NEDD4L: variants seen among roughly 807,000 people sequenced by gnomAD.
NEDD4L encodes E3 ubiquitin-protein ligase NEDD4-like.
Under a neutral mutation model 148.9 loss-of-function variants are expected in NEDD4L, and 54 were observed. The observed-to-expected ratio is 0.36, with a 90% CI of 0.29 to 0.45. NEDD4L has a LOEUF of 0.45. Ranked by LOEUF, NEDD4L falls within the 20% of genes least tolerant of loss-of-function variation. The probability of loss-of-function intolerance (pLI) is 1.00; values close to 1 mark genes in which losing one functional copy is unlikely to be tolerated. For synonymous variants in NEDD4L, 433 were observed against 440.7 expected (o/e 0.98, Z 0.22); for missense variants, 856 against 1,233.8 (o/e 0.69, Z 4.59).
chr18:58,256,890 G>A lies in NEDD4L; in HGVS notation c.297+4836G>A. 1 of 955,558 alleles carries A rather than the reference G, an allele frequency of 1.0e-6. No individual in the cohort carries two copies. The highest frequency in any genetic ancestry group is 1.7e-5 in the African/African-American group (1 of 59,094). The allele number at this position is 955,558 out of a possible 1,614,324, so 59.2% of individuals were successfully genotyped here. ...CCGGGAGTTTCCCTGCTTCAGGCCAGTGGATCTGAATGTTTGGCCGAGTTC... is the reference window on the plus strand; with the variant it reads ...CCGGGAGTTTCCCTGCTTCAGGCCAATGGATCTGAATGTTTGGCCGAGTTC... On this transcript the variant is annotated intron_variant, in intron 5 of 30. Coordinates refer to ENST00000400345, the MANE Select transcript of NEDD4L (RefSeq NM_001144967.3). The surrounding 1 kb of genome is among the most constrained non-coding windows in gnomAD (Gnocchi z 5.2).
intron 5 of NEDD4L, among the ~76,000 whole-genome samples, chr18:58,277,816 T>A (rs1046930880): frequency 2.6e-5 from 4 of 152,202 alleles, no homozygotes; most frequent in African/African-American, 9.6e-5. Context: ...AAGTTAGAAA[T>A]GTATTGGCAT....
chr18:58,279,674 T>G (rs2052703521), intron 5 of NEDD4L, among the ~76,000 whole-genome samples: 1 of 152,224 alleles, frequency 6.6e-6, no homozygotes, highest in South Asian at 2.1e-4. Context: ...GCTGGGACTT[T>G]GCATTGATCA....
At chr18:58,318,059 A>G (rs1443630033) in intron 6 of NEDD4L, among the ~76,000 whole-genome samples, 1 of 152,180 alleles carries the variant, frequency 6.6e-6, no homozygotes, top group East Asian at 1.9e-4. Flanking sequence ...GGTCGTGTGT[A>G]TAGGATGCTC....
At chr18:58,113,778 CAAAACCCACTCT>C (rs1197232930) in intron 1 of NEDD4L, among the ~76,000 whole-genome samples, 2 of 152,112 alleles carry the variant, frequency 1.3e-5, no homozygotes, top group Admixed American at 1.3e-4. Context: ...CAAAACAAAA[CAAAACCCACTCT>C]AGTTGCTGTG....
intron 2 of NEDD4L, among the ~76,000 whole-genome samples, chr18:58,199,210 A>G (rs970184674): frequency 6.6e-6 from 1 of 152,268 alleles, no homozygotes; most frequent in African/African-American, 2.4e-5. Flanking sequence ...CCACGTTGAC[A>G]TCTTCTTACA....
intron 1 of NEDD4L, among the ~76,000 whole-genome samples, chr18:58,128,408 C>T (rs2031518358): frequency 6.6e-6 from 1 of 152,182 alleles, no homozygotes; most frequent in South Asian, 2.1e-4. Context: ...CCCCTTGAGG[C>T]AGTTTGGATG....
chr18:58,299,778 A>G lies in NEDD4L; in HGVS notation c.298-16204A>G, dbSNP rs145721240. 4.4e-3 allele frequency among the ~76,000 whole-genome samples: 671 copies of G among 152,252 alleles called. 2 individuals are homozygous for G. The highest frequency in any genetic ancestry group is 0.015 in the African/African-American group (615 of 41,526). On this transcript the variant is annotated intron_variant, in intron 5 of 30. Coordinates refer to ENST00000400345, the MANE Select transcript of NEDD4L (RefSeq NM_001144967.3). ...AGGCTTTCCGGTGTCTTTTTTTAAA[A>G]ATAAGGTTTTAAGAGTTTCATGGTC...
intron 20 of NEDD4L, among the ~76,000 whole-genome samples, chr18:58,364,931 A>G (rs17234871): frequency 0.025 from 3,778 of 152,342 alleles, 132 homozygotes; most frequent in Admixed American, 0.093. Flanking sequence ...AAATTGTTCA[A>G]CATTGCATCC....
At chr18:58,150,710 G>A (rs1388590410) in intron 1 of NEDD4L, among the ~76,000 whole-genome samples, 1 of 152,214 alleles carries the variant, frequency 6.6e-6, no homozygotes, top group Non-Finnish European at 1.5e-5. Flanking sequence ...CTTAGGAGGT[G>A]CTATGCATTC....
intron 5 of NEDD4L, among the ~76,000 whole-genome samples, chr18:58,290,139 C>T (rs1006085310): frequency 9.2e-5 from 14 of 152,182 alleles, no homozygotes; most frequent in African/African-American, 3.4e-4. Context: ...ATTCAGAGCC[C>T]ACTCGATGCT....
At chr18:58,114,805 C>G (rs1598889264) in intron 1 of NEDD4L, among the ~76,000 whole-genome samples, 1 of 152,332 alleles carries the variant, frequency 6.6e-6, no homozygotes, top group South Asian at 2.1e-4. Context: ...GCAGCCTCAG[C>G]TCATTGTCCC....
At chr18:58,226,238 T>C (rs902128164) in intron 2 of NEDD4L, among the ~76,000 whole-genome samples, 1 of 152,272 alleles carries the variant, frequency 6.6e-6, no homozygotes, top group Non-Finnish European at 1.5e-5. Flanking sequence ...TCAGAGAGAA[T>C]TAATTATTCT....
chr18:58,082,875 A>G (rs2083544145), intron 1 of NEDD4L, among the ~76,000 whole-genome samples: 3 of 152,084 alleles, frequency 2.0e-5, no homozygotes, highest in South Asian at 2.1e-4. Flanking sequence ...TATTTGATAC[A>G]TATTTTTGTG....
At chr18:58,169,327 G>A (rs992411075) in intron 2 of NEDD4L, among the ~76,000 whole-genome samples, 2 of 152,228 alleles carry the variant, frequency 1.3e-5, no homozygotes, top group African/African-American at 4.8e-5. Context: ...AGAGAAAGAT[G>A]CTTCCCTTTG....
At chr18:58,184,570 T>C (rs139117115) in intron 2 of NEDD4L, among the ~76,000 whole-genome samples, 28 of 152,286 alleles carry the variant, frequency 1.8e-4, no homozygotes, top group African/African-American at 6.7e-4. Flanking sequence ...AAAGTTTCTG[T>C]AAAGGATTAA....
Position 58,364,375 on chromosome 18 carries a change from T to G in NEDD4L, c.1833+42T>G, listed in dbSNP as rs180691314. 107 of 1,288,052 alleles carry G rather than the reference T, an allele frequency of 8.3e-5. 2 individuals carry two copies. The African/African-American group carries it at 1.2e-3, about 15-fold the overall frequency. The allele number at this position is 1,288,052 out of a possible 1,614,324, so 79.8% of individuals were successfully genotyped here. On this transcript the variant is annotated intron_variant, in intron 20 of 30. Coordinates refer to ENST00000400345, the MANE Select transcript of NEDD4L (RefSeq NM_001144967.3). ...TCCAAAAATGCTTTGTGTTAGTCAT[T>G]TGTAAGTTACCACAGTCACTTCAGT...
chr18:58,307,524 T>C (rs1248547811), intron 5 of NEDD4L, among the ~76,000 whole-genome samples: 1 of 152,216 alleles, frequency 6.6e-6, no homozygotes, highest in African/African-American at 2.4e-5. Flanking sequence ...AGTTAGCTAG[T>C]GTCCTTGTGT....
At chr18:58,308,477 A>G (rs146239560) in intron 5 of NEDD4L, among the ~76,000 whole-genome samples, 213 of 152,390 alleles carry the variant, frequency 1.4e-3, no homozygotes, top group Middle Eastern at 0.01. Flanking sequence ...AAGCATGACA[A>G]GCTCTGGCTT....
chr18:58,175,240 T>G (rs2037989757), intron 2 of NEDD4L, among the ~76,000 whole-genome samples: 1 of 152,262 alleles, frequency 6.6e-6, no homozygotes, highest in Admixed American at 6.5e-5. Context: ...TGTGCAAGGC[T>G]GCATGGCTAG....
Sources: gnomAD v4.1 joint callset for allele counts (sites outside exome capture counted in the v4.1 genomes callset) on GRCh38, gnomAD v4.1.1 for gene constraint, Gnocchi (gnomAD v3.1) non-coding constraint, MANE v1.5 for transcripts, NCBI Gene and HGNC (gene_info 2026-07-23, HGNC 2026-07-21) for gene names.